AGBL4: variants seen among roughly 807,000 people sequenced by gnomAD.
The protein encoded by AGBL4 is cytosolic carboxypeptidase 6.
A neutral mutation model predicts 66.4 loss-of-function variants in AGBL4; 58 were observed. The observed-to-expected ratio is 0.87, with a 90% CI of 0.71 to 1.09. The LOEUF is 1.09. Among genes scored for constraint, AGBL4 ranks in the 50% least tolerant of loss-of-function variants. The pLI is 0.00. For synonymous variants in AGBL4, 234 were observed against 222.9 expected, an observed-to-expected ratio of 1.05 and a Z score of -0.44; for missense variants, 579 against 631.0, an observed-to-expected ratio of 0.92 and a Z score of 0.88.
chr1:49,841,789 G>A (rs1285871900), intron 2 of AGBL4: 11 of 331,058 alleles, frequency 3.3e-5, no homozygotes. Context: ...TTTGCAGTCT[G>A]ACAATGTGAT....
chr1:48,644,187 C>T (rs547773459), intron 8 of AGBL4, among the ~76,000 whole-genome samples: 4 of 152,150 alleles, frequency 2.6e-5, no homozygotes, highest in African/African-American at 4.8e-5. Flanking sequence ...ATTAATGTTT[C>T]GTATTATTAT....
intron 11 of AGBL4, among the ~76,000 whole-genome samples, chr1:48,580,349 C>T (rs1034438824): frequency 6.6e-6 from 1 of 152,170 alleles, no homozygotes; most frequent in African/African-American, 2.4e-5. Flanking sequence ...TTCTCCTCTC[C>T]CTCATCTTGC....
intron 4 of AGBL4, among the ~76,000 whole-genome samples, chr1:49,128,663 A>G (rs1201643698): frequency 3.3e-5 from 5 of 152,094 alleles, no homozygotes; most frequent in African/African-American, 7.2e-5. Context: ...TGGATATCCA[A>G]TGGAAAAAAT....
chr1:49,046,415 T>C (rs1644081969), intron 4 of AGBL4, among the ~76,000 whole-genome samples: 1 of 152,208 alleles, frequency 6.6e-6, no homozygotes, highest in Admixed American at 6.6e-5. Flanking sequence ...ACTATTATTT[T>C]CTACAGAGCA....
At chr1:49,831,152 A>G (rs1368832958) in intron 2 of AGBL4, among the ~76,000 whole-genome samples, 4 of 152,076 alleles carry the variant, frequency 2.6e-5, no homozygotes, top group Non-Finnish European at 5.9e-5. Context: ...AAGAAAGTCA[A>G]TGGTAGTTTG....
rs553868002 is a variant in AGBL4 at position 49,827,094 on chromosome 1, T to C, written c.157+24302A>G. The stretch of plus-strand genomic sequence containing the variant: ...GCATACATGAGAAGGATCATACAGG[T>C]AGAGTATGAATTCTCAATGGGGGTG... On this transcript the variant is annotated intron_variant, in intron 2 of 13. Coordinates refer to ENST00000371839, the MANE Select transcript of AGBL4 (RefSeq NM_032785.4). Among the ~76,000 whole-genome samples, 12 of 152,204 alleles carry C rather than the reference T, an allele frequency of 7.9e-5. No homozygotes were observed. In the South Asian group the frequency reaches 2.1e-3, roughly 26 times the overall value.
intron 4 of AGBL4, among the ~76,000 whole-genome samples, chr1:49,073,792 C>A (rs1284088716): frequency 1.3e-5 from 2 of 152,180 alleles, no homozygotes; most frequent in African/African-American, 2.4e-5. Context: ...CTGAGATAAC[C>A]ACTGCTCTCT....
At chr1:49,080,209 C>G (rs1644784783) in intron 4 of AGBL4, among the ~76,000 whole-genome samples, 1 of 152,050 alleles carries the variant, frequency 6.6e-6, no homozygotes, top group Admixed American at 6.6e-5. Context: ...AGAGTCCCAA[C>G]AGGAAACTAG....
At chr1:49,184,262 C>T (rs72897710) in intron 4 of AGBL4, among the ~76,000 whole-genome samples, 205 of 152,224 alleles carry the variant, frequency 1.3e-3, no homozygotes, top group African/African-American at 4.6e-3. Flanking sequence ...GGATTTCATA[C>T]ATGTCTCTGC....
intron 6 of AGBL4, among the ~76,000 whole-genome samples, chr1:48,784,155 T>A (rs1645358691): frequency 6.6e-6 from 1 of 152,150 alleles, no homozygotes; most frequent in African/African-American, 2.4e-5. Flanking sequence ...TTCACAGAGA[T>A]GTTCTGAGGA....
intron 4 of AGBL4, among the ~76,000 whole-genome samples, chr1:49,123,919 GA>G (rs1461601413): frequency 6.6e-6 from 1 of 152,160 alleles, no homozygotes; most frequent in Non-Finnish European, 1.5e-5. Context: ...CATTTTGCCA[GA>G]AGGGACAGCT....
intron 1 of AGBL4, among the ~76,000 whole-genome samples, chr1:50,016,938 A>G (rs1347483044): frequency 2.0e-5 from 3 of 152,198 alleles, no homozygotes; most frequent in Admixed American, 2.0e-4. Flanking sequence ...ACTACTGAGT[A>G]TATACCCAAA....
intron 6 of AGBL4, among the ~76,000 whole-genome samples, chr1:48,747,415 C>T (rs948649262): frequency 6.6e-6 from 1 of 152,118 alleles, no homozygotes; most frequent in African/African-American, 2.4e-5. Context: ...ATTCATGAAC[C>T]CATTCATCAC....
chr1:49,990,833 C>T (rs1017697188), intron 1 of AGBL4, among the ~76,000 whole-genome samples: 7 of 152,058 alleles, frequency 4.6e-5, no homozygotes, highest in African/African-American at 1.4e-4. Flanking sequence ...AAATCTGTAG[C>T]GTGTAGGATA....
intron 3 of AGBL4, among the ~76,000 whole-genome samples, chr1:49,323,442 T>A (rs894320589): frequency 6.4e-5 from 9 of 139,988 alleles, no homozygotes; most frequent in South Asian, 2.2e-4. Context: ...CCGCCATGCC[T>A]GGCTAATTTT....
At chr1:48,933,511 A>G (rs994908431) in intron 5 of AGBL4, among the ~76,000 whole-genome samples, 8 of 152,172 alleles carry the variant, frequency 5.3e-5, no homozygotes, top group African/African-American at 1.9e-4. Flanking sequence ...AACACATGGA[A>G]TAAATCTATT....
chr1:48,729,172 A>C (rs1647694041), intron 6 of AGBL4, among the ~76,000 whole-genome samples: 1 of 152,240 alleles, frequency 6.6e-6, no homozygotes, highest in African/African-American at 2.4e-5. Context: ...GTTGTAAGGA[A>C]TACTACACCT....
rs187480840 is a variant in AGBL4 at position 49,239,772 on chromosome 1, G to C, written c.377+5998C>G. ...TAGTTCTAGAGCTAGAAATATAGAA[G>C]TGTATAGAAATGACAAAAATCCTTA... On this transcript the variant is annotated intron_variant, in intron 4 of 13. Coordinates refer to ENST00000371839, the MANE Select transcript of AGBL4 (RefSeq NM_032785.4). 3.6e-3 allele frequency among the ~76,000 whole-genome samples: 544 copies of C among 152,218 alleles called. 5 individuals are homozygous for C. The highest frequency in any genetic ancestry group is 2.0e-3 in the Non-Finnish European group (137 of 67,986).
At chr1:48,846,665 A>G (rs1251485882) in intron 6 of AGBL4, among the ~76,000 whole-genome samples, 1 of 152,190 alleles carries the variant, frequency 6.6e-6, no homozygotes, top group Non-Finnish European at 1.5e-5. Context: ...TAGGCATGGT[A>G]AGTAGGTTTT....
Sources: allele counts gnomAD v4.1 joint callset (sites outside exome capture counted in the v4.1 genomes callset), GRCh38; gene constraint gnomAD v4.1.1; transcripts MANE v1.5; gene names NCBI Gene and HGNC (gene_info 2026-07-23, HGNC 2026-07-21).